Variants in FOXN3 observed in about 807,000 individuals in gnomAD.
FOXN3 encodes forkhead box N3, also known as forkhead box protein N3.
FOXN3 carries 7 observed loss-of-function variants against 38.4 expected under a neutral mutation model. That is an observed-to-expected ratio of 0.18 (90% confidence interval 0.10 to 0.34). The LOEUF (loss-of-function observed/expected upper bound fraction) is 0.34, where lower values mean the gene tolerates loss of function less well. Ranked by LOEUF, FOXN3 falls within the 10% of genes least tolerant of loss-of-function variation. The probability of loss-of-function intolerance (pLI) is 1.00; values close to 1 mark genes in which losing one functional copy is unlikely to be tolerated. For synonymous variants in FOXN3, 230 were observed against 242.2 expected (o/e 0.95, Z 0.47); for missense variants, 456 against 613.4 (o/e 0.74, Z 2.71).
chr14:89,253,058 T>C (rs958546945), intron 4 of FOXN3, among the ~76,000 whole-genome samples: 1 of 152,178 alleles, frequency 6.6e-6, no homozygotes, highest in African/African-American at 2.4e-5. Flanking sequence ...CCTGGTGGAC[T>C]GTGCCAGGGA....
At chr14:89,429,531 A>AT (rs36009008) in intron 1 of FOXN3, among the ~76,000 whole-genome samples, 7,591 of 147,622 alleles carry the variant, frequency 0.051, 320 homozygotes, top group Admixed American at 0.13. Context: ...GACACAACTG[A>AT]TTTTTTTTTT....
At chr14:89,436,623 C>T (rs10147554) in intron 1 of FOXN3, among the ~76,000 whole-genome samples, 146,309 of 152,308 alleles carry the variant, frequency 0.96, 70,476 homozygotes, top group East Asian at 1. Flanking sequence ...ATCCCCCTGT[C>T]GTTTAGACAG....
At position 89,575,565 on chromosome 14, in the gene FOXN3, G is replaced by A. The variant is rs147822808; in HGVS notation, c.-15+43463C>T. ...TTGTTATAGCCAAACACAAAGCACA[G>A]CTCCAGAGCACAAAAACCACCAAGT... On this transcript the variant is annotated intron_variant, in intron 1 of 6. Coordinates refer to the FOXN3 transcript ENST00000345097. Among the ~76,000 whole-genome samples the A allele has an allele frequency of 7.2e-5, 11 of 152,196 alleles. No individual in the cohort carries two copies. In the East Asian group the frequency reaches 1.4e-3, roughly 19 times the overall value.
chr14:89,205,925 G>A (rs1245528453), intron 4 of FOXN3, among the ~76,000 whole-genome samples: 4 of 152,218 alleles, frequency 2.6e-5, no homozygotes, highest in African/African-American at 9.6e-5. Context: ...CTGGGAGCGG[G>A]TTAAGGGAAC....
intron 1 of FOXN3, among the ~76,000 whole-genome samples, chr14:89,424,317 G>T (rs1393061688): frequency 6.6e-6 from 1 of 152,182 alleles, no homozygotes; most frequent in Non-Finnish European, 1.5e-5. Context: ...AGGGGAAAAT[G>T]AATATGTTGG....
At chr14:89,606,648 G>A (rs1294086415) in intron 1 of FOXN3, among the ~76,000 whole-genome samples, 1 of 152,128 alleles carries the variant, frequency 6.6e-6, no homozygotes, top group Non-Finnish European at 1.5e-5. Flanking sequence ...TCAGGAGTTC[G>A]AGACCAGCTT....
chr14:89,374,043 ATTGC>A (rs1386637322), intron 2 of FOXN3, among the ~76,000 whole-genome samples: 5 of 152,010 alleles, frequency 3.3e-5, no homozygotes, highest in African/African-American at 1.2e-4. Context: ...ATGCAGGAGG[ATTGC>A]TTGAACCCAG....
At chr14:89,281,570 C>T (rs1194080962) in intron 3 of FOXN3, among the ~76,000 whole-genome samples, 2 of 152,130 alleles carry the variant, frequency 1.3e-5, no homozygotes, top group African/African-American at 4.8e-5. Flanking sequence ...TGTTGCACTC[C>T]ATACCCTATA....
intron 3 of FOXN3, among the ~76,000 whole-genome samples, chr14:89,306,297 AACAC>A (rs149364423): frequency 1.3e-5 from 2 of 150,670 alleles, no homozygotes; most frequent in African/African-American, 4.9e-5. Flanking sequence ...AGAAAAGCTC[AACAC>A]ACACACACAC....
At chr14:89,465,946 C>T (rs946071) in intron 1 of FOXN3, among the ~76,000 whole-genome samples, 146,271 of 152,324 alleles carry the variant, frequency 0.96, 70,501 homozygotes, top group East Asian at 1. Flanking sequence ...ATTATTTGAA[C>T]AGAATATCAG....
chr14:89,454,069 C>T (rs998953662), intron 1 of FOXN3, among the ~76,000 whole-genome samples: 22 of 152,178 alleles, frequency 1.4e-4, no homozygotes, highest in African/African-American at 5.1e-4. Flanking sequence ...TTTGGGAGGT[C>T]GAGGCAAGAG....
intron 4 of FOXN3, among the ~76,000 whole-genome samples, chr14:89,224,847 A>C (rs1884581213): frequency 6.6e-6 from 1 of 152,104 alleles, no homozygotes; most frequent in South Asian, 2.1e-4. Flanking sequence ...AAAAGAACTT[A>C]AGGACGGGTG....
intron 2 of FOXN3, among the ~76,000 whole-genome samples, chr14:89,389,313 AAAAG>A (rs3057935): frequency 0.044 from 6,694 of 152,230 alleles, 255 homozygotes; most frequent in African/African-American, 0.1. Flanking sequence ...AAACAAAAAA[AAAAG>A]AAAGATTATA....
chr14:89,418,801 C>G (rs1891828475), upstream of FOXN3, among the ~76,000 whole-genome samples: 2 of 152,166 alleles, frequency 1.3e-5, no homozygotes, highest in Admixed American at 1.3e-4. Context: ...GCCCCTCCAT[C>G]AGCGCGTCAG....
At position 89,604,779 on chromosome 14, in the gene FOXN3, A is replaced by C. The variant is rs552866628; in HGVS notation, c.-15+14249T>G. The stretch of plus-strand genomic sequence containing the variant: ...CAAAAACAAAGAAAATATCTTAAAA[A>C]ACAGTCGTAAAGTACTCTTGGAGAA... On this transcript the variant is annotated intron_variant, in intron 1 of 6. Coordinates refer to the FOXN3 transcript ENST00000345097. Among the ~76,000 whole-genome samples the C allele has an allele frequency of 3.9e-4, 59 of 152,348 alleles. 1 individual carries two copies. Among genetic ancestry groups the C allele is most frequent in the African/African-American group, 1.4e-3 (57 of 41,572 alleles).
At chr14:89,219,197 C>T (rs73321284) in intron 4 of FOXN3, among the ~76,000 whole-genome samples, 21 of 152,094 alleles carry the variant, frequency 1.4e-4, no homozygotes, top group African/African-American at 4.8e-4. Flanking sequence ...GGTGGATGTC[C>T]CCATCTCGTG....
Position 89,557,126 on chromosome 14 carries a change from G to A in FOXN3, c.-15+61902C>T, listed in dbSNP as rs761553605. On this transcript the variant is annotated intron_variant, in intron 1 of 6. Coordinates refer to the FOXN3 transcript ENST00000345097. ...ACCCAGTGATGGTCACCCAGCTCTT[G>A]ACTGTCCTCAAGGCCAGTATGGCCA... 3.8e-4 allele frequency among the ~76,000 whole-genome samples: 58 copies of A among 152,176 alleles called. 1 individual carries two copies. The highest frequency in any genetic ancestry group is 1.3e-4 in the Non-Finnish European group (9 of 68,040).
chr14:89,483,329 G>C (rs768226135), intron 1 of FOXN3, among the ~76,000 whole-genome samples: 9 of 152,160 alleles, frequency 5.9e-5, no homozygotes, highest in Non-Finnish European at 5.9e-5. Context: ...CAAAATACTG[G>C]ATGCAAGAGA....
At chr14:89,544,049 A>G (rs563546897) in intron 1 of FOXN3, among the ~76,000 whole-genome samples, 11 of 152,112 alleles carry the variant, frequency 7.2e-5, no homozygotes, top group African/African-American at 2.4e-4. Context: ...TTTAATGGGT[A>G]TACAGTCTGG....
Sources: gnomAD v4.1 joint callset for allele counts (sites outside exome capture counted in the v4.1 genomes callset) on GRCh38, gnomAD v4.1.1 for gene constraint, MANE v1.5 for transcripts, NCBI Gene and HGNC (gene_info 2026-07-23, HGNC 2026-07-21) for gene names.